PRMT3: variants seen among roughly 807,000 people sequenced by gnomAD.
PRMT3 encodes protein arginine methyltransferase 3.
A neutral mutation model predicts 71.9 loss-of-function variants in PRMT3; 62 were observed. The ratio of observed to expected loss-of-function variants is 0.86; its 90% CI spans 0.70 to 1.07. The LOEUF (loss-of-function observed/expected upper bound fraction) is 1.07, where lower values mean the gene tolerates loss of function less well. Among genes scored for constraint, PRMT3 ranks in the 50% least tolerant of loss-of-function variants. PRMT3 has a pLI of 0.00. For missense variants in PRMT3, 663 were observed against 643.0 expected (o/e 1.03, Z -0.34); for synonymous variants, 213 against 220.4 (o/e 0.97, Z 0.30).
chr11:20,416,350 T>A (rs1201523877), intron 9 of PRMT3, among the ~76,000 whole-genome samples: 1 of 152,184 alleles, frequency 6.6e-6, no homozygotes, highest in African/African-American at 2.4e-5. Flanking sequence ...TTTTGGTATA[T>A]TTCTTGCCAC....
chr11:20,392,377 C>A (rs536475270), intron 4 of PRMT3, 117 bp downstream of exon 4: 4 of 1,082,404 alleles, frequency 3.7e-6, no homozygotes, highest in South Asian at 1.7e-5. Flanking sequence ...TGGTACTCAT[C>A]ATATTGGGGG....
chr11:20,408,848 C>T (rs1849129962), intron 9 of PRMT3, among the ~76,000 whole-genome samples: 1 of 151,994 alleles, frequency 6.6e-6, no homozygotes, highest in Admixed American at 6.5e-5. Context: ...AATCCCAGCA[C>T]TTTGGGAGGC....
intron 9 of PRMT3, among the ~76,000 whole-genome samples, chr11:20,410,586 A>G (rs2133327403): frequency 6.6e-6 from 1 of 152,262 alleles, no homozygotes; most frequent in East Asian, 1.9e-4. Context: ...TATTCACAGT[A>G]ATTCTATCCA....
chr11:20,407,854 T>C (rs2133322634), intron 8 of PRMT3, 57 bp from the exon 9 acceptor site: 2 of 1,472,524 alleles, frequency 1.4e-6, no homozygotes, highest in Admixed American at 2.0e-5. Context: ...TAGAATTTAA[T>C]ATAGAGACCT....
At chr11:20,437,435 C>T (rs1198566274) in intron 10 of PRMT3, among the ~76,000 whole-genome samples, 1 of 152,078 alleles carries the variant, frequency 6.6e-6, no homozygotes, top group Non-Finnish European at 1.5e-5. Context: ...GATTAGTGTT[C>T]CAGTTGGGAA....
intron 13 of PRMT3, among the ~76,000 whole-genome samples, chr11:20,472,575 A>G (rs771143206): frequency 3.9e-5 from 6 of 152,062 alleles, no homozygotes; most frequent in African/African-American, 1.4e-4. Flanking sequence ...CAGTTTGCCA[A>G]TATTTTGTTG....
At chr11:20,389,653 T>TAA (rs56308542) in intron 2 of PRMT3, 91 bp from the exon 3 acceptor site, 1,101 of 662,508 alleles carry the variant, frequency 1.7e-3, no homozygotes, top group East Asian at 5.4e-3. Flanking sequence ...CCAGCAGAGT[T>TAA]AAAAAAAAAA....
intron 10 of PRMT3, among the ~76,000 whole-genome samples, chr11:20,437,612 C>T (rs1253305665): frequency 2.0e-5 from 3 of 151,070 alleles, no homozygotes; most frequent in South Asian, 2.1e-4. Flanking sequence ...ATTTTTGAGA[C>T]GGAGTCTCGC....
chr11:20,495,071 C>G (rs1183605312), intron 15 of PRMT3, among the ~76,000 whole-genome samples: 1 of 151,982 alleles, frequency 6.6e-6, no homozygotes, highest in East Asian at 1.9e-4. Context: ...TCTTGTTGCC[C>G]AGACTGGAGT....
At chr11:20,444,062 A>G (rs1358621989) in intron 10 of PRMT3, among the ~76,000 whole-genome samples, 1 of 152,166 alleles carries the variant, frequency 6.6e-6, no homozygotes, top group African/African-American at 2.4e-5. Context: ...AAGTTAAATA[A>G]TAGGTAAATT....
At chr11:20,398,903 C>A (rs983569843) in intron 7 of PRMT3, among the ~76,000 whole-genome samples, 13 of 152,182 alleles carry the variant, frequency 8.5e-5, no homozygotes, top group African/African-American at 3.1e-4. Flanking sequence ...CATTAAGCAA[C>A]ATGTGACTGT....
intron 15 of PRMT3, among the ~76,000 whole-genome samples, chr11:20,504,952 C>T (rs1490239081): frequency 6.6e-6 from 1 of 152,072 alleles, no homozygotes; most frequent in Non-Finnish European, 1.5e-5. Flanking sequence ...AGGCTGGTCT[C>T]GAATTCCTTG....
intron 11 of PRMT3, among the ~76,000 whole-genome samples, chr11:20,454,637 G>C (rs36095709): frequency 1.3e-5 from 2 of 152,044 alleles, no homozygotes; most frequent in Non-Finnish European, 2.9e-5. Context: ...ATGTCTTGAT[G>C]CGTATCACCA....
Position 20,479,679 on chromosome 11 carries a change from TA to T in PRMT3, c.1348-14237del, listed in dbSNP as rs1850883455. 9.2e-5 allele frequency among the ~76,000 whole-genome samples: 14 copies of T among 152,244 alleles called. No individual in the cohort carries two copies. In the South Asian group the frequency reaches 2.9e-3, roughly 32 times the overall value. On this transcript the variant is annotated intron_variant, in intron 13 of 15. Coordinates refer to ENST00000331079, the MANE Select transcript of PRMT3 (RefSeq NM_005788.4). ...TTTGAAATTTTTGATAGTATTTTTT[TA>T]AAGAATCTCACAACAATAAGAAACG...
chr11:20,474,202 T>G (rs2133421681), intron 13 of PRMT3, among the ~76,000 whole-genome samples: 1 of 152,318 alleles, frequency 6.6e-6, no homozygotes, highest in East Asian at 1.9e-4. Flanking sequence ...GTCTGGCTCC[T>G]TTTTGGTAGT....
chr11:20,489,370 G>A lies in PRMT3; in HGVS notation c.1348-4549G>A, dbSNP rs373548926. 2.3e-4 allele frequency among the ~76,000 whole-genome samples: 35 copies of A among 152,242 alleles called. No homozygotes were observed. In the South Asian group the frequency reaches 7.1e-3, roughly 31 times the overall value. The stretch of plus-strand genomic sequence containing the variant: ...CAAGATATATACGTGAGACAAAGGA[G>A]AAATTTCTTCTGCAGTCAGCCTTCA... On this transcript the variant is annotated intron_variant, in intron 13 of 15. Coordinates refer to ENST00000331079, the MANE Select transcript of PRMT3 (RefSeq NM_005788.4).
At chr11:20,483,435 A>G (rs564011850) in intron 13 of PRMT3, among the ~76,000 whole-genome samples, 2 of 152,228 alleles carry the variant, frequency 1.3e-5, no homozygotes, top group East Asian at 3.9e-4. Context: ...AAAATGGAAT[A>G]TAAGGAAACA....
At chr11:20,419,582 G>T (rs938275462) in intron 9 of PRMT3, among the ~76,000 whole-genome samples, 4 of 152,096 alleles carry the variant, frequency 2.6e-5, no homozygotes, top group African/African-American at 9.7e-5. Context: ...GTTATAGAGG[G>T]TATATTTTCT....
At chr11:20,493,521 G>A (rs949441128) in intron 13 of PRMT3, among the ~76,000 whole-genome samples, 6 of 152,206 alleles carry the variant, frequency 3.9e-5, no homozygotes, top group African/African-American at 1.4e-4. Flanking sequence ...TCATGCCGCT[G>A]CAGTTGTCTG....
Sources: gnomAD v4.1 joint callset for allele counts (sites outside exome capture counted in the v4.1 genomes callset) on GRCh38, gnomAD v4.1.1 for gene constraint, MANE v1.5 for transcripts, NCBI Gene and HGNC (gene_info 2026-07-23, HGNC 2026-07-21) for gene names.